MLYCD: variants seen among roughly 807,000 people sequenced by gnomAD.
The protein encoded by MLYCD is malonyl-CoA decarboxylase, mitochondrial.
MLYCD carries 27 observed loss-of-function variants against 35.8 expected under a neutral mutation model. The ratio of observed to expected loss-of-function variants is 0.75; its 90% confidence interval spans 0.56 to 1.04. MLYCD has a LOEUF of 1.04. Among genes scored for constraint, MLYCD ranks in the 50% least tolerant of loss-of-function variants. MLYCD has a pLI of 0.00. For missense variants in MLYCD, 917 were observed against 665.1 expected (o/e 1.38, Z -4.17); for synonymous variants, 403 against 302.4 (o/e 1.33, Z -3.45).
chr16:83,913,874 G>A (rs532333542), intron 4 of MLYCD: 3 of 150,272 alleles, frequency 2.0e-5, no homozygotes, highest in South Asian at 4.2e-4. Context: ...AATGCCCAAC[G>A]AGAGGAACAT....
At chr16:83,908,853 G>C (rs1597291582) in intron 3 of MLYCD, among the ~76,000 whole-genome samples, 1 of 152,328 alleles carries the variant, frequency 6.6e-6, no homozygotes, top group Non-Finnish European at 1.5e-5. Context: ...AAGAACCAGG[G>C]AGCACATTGC....
Position 83,922,531 on chromosome 16 carries a change from A to C in MLYCD, c.*7042A>C, listed in dbSNP as rs893880070. The C allele has an allele frequency of 2.0e-5, 3 of 152,264 alleles. No homozygotes were observed. Among genetic ancestry groups the C allele is most frequent in the African/African-American group, 7.2e-5 (3 of 41,464 alleles). 9.4% of individuals were successfully genotyped at this position (152,264 alleles called of 1,614,324 possible). ...TTGGCTCCGGCCAGTGCCCAGTTCA[A>C]ATGCTGGCCCCACCACTTCCAGCTG... On this transcript the variant is annotated 3_prime_UTR_variant, in exon 5 of 5. Coordinates refer to ENST00000262430, the MANE Select transcript of MLYCD (RefSeq NM_012213.3).
intron 4 of MLYCD, chr16:83,912,662 T>G (rs1229554637): frequency 2.4e-6 from 1 of 425,450 alleles, no homozygotes; most frequent in Non-Finnish European, 4.4e-6. Context: ...TCTGACCTGG[T>G]CAGGACACTC....
intron 1 of MLYCD, among the ~76,000 whole-genome samples, chr16:83,901,901 A>G (rs974171425): frequency 2.6e-5 from 4 of 152,186 alleles, no homozygotes; most frequent in Non-Finnish European, 2.9e-5. Context: ...TTTATCAAAC[A>G]GAATGAATAA....
Position 83,899,597 on chromosome 16 carries a change from G to T in MLYCD, c.453G>T (p.Val151=), listed in dbSNP as rs766316428. ...FHHISKLDGG[V]RFLVQLRADL... is the part of the protein sequence containing the mutation. ...ACATCAGCAAGCTGGACGGCGGCGT[G>T]CGCTTCCTGGTGCAGCTGCGGGCCG... is the stretch of plus-strand genomic sequence containing the variant. Residue 151 remains valine, a synonymous_variant, in exon 1 of 5, where the codon GTG becomes GTT. Coordinates refer to ENST00000262430, the MANE Select transcript of MLYCD (RefSeq NM_012213.3). The T allele has an allele frequency of 2.5e-6, 4 of 1,586,932 alleles. No homozygotes were observed. The Admixed American group carries it at 6.8e-5, about 27-fold the overall frequency.
chr16:83,918,515 C>G lies in MLYCD; in HGVS notation c.*3026C>G, dbSNP rs1333186592. On this transcript the variant is annotated 3_prime_UTR_variant, in exon 5 of 5. Coordinates refer to ENST00000262430, the MANE Select transcript of MLYCD (RefSeq NM_012213.3). ...AGAACACGCACAGTGCACAGGAGAA[C>G]ACAGAGTGCACAGGAGAACACATGG... 1 of 134,378 alleles carries G rather than the reference C, an allele frequency of 7.4e-6. No individual in the cohort carries two copies. Among genetic ancestry groups the G allele is most frequent in the Non-Finnish European group, 1.6e-5 (1 of 63,854 alleles). 8.3% of individuals were successfully genotyped at this position (134,378 alleles called of 1,614,324 possible). A position where few individuals can be genotyped will look rare whatever the true frequency, so the allele number is the denominator to read the frequency against.
chr16:83,904,865 C>T (rs973612940), intron 1 of MLYCD, among the ~76,000 whole-genome samples: 4 of 152,136 alleles, frequency 2.6e-5, no homozygotes, highest in Non-Finnish European at 5.9e-5. Flanking sequence ...AAATTGAGTC[C>T]ACATCTGACT....
rs1286153077 is a variant in MLYCD, at chr16:83,908,249, G to C, written c.765G>C (p.Val255=). The C allele has an allele frequency of 6.2e-7, 1 of 1,614,158 alleles. No homozygotes were observed. Among genetic ancestry groups the C allele is most frequent in the Non-Finnish European group, 8.5e-7 (1 of 1,180,030 alleles). The change falls in exon 3 of 5, where the codon GTG becomes GTC. Residue 255 remains valine (V), a synonymous_variant. Coordinates refer to ENST00000262430, the MANE Select transcript of MLYCD (RefSeq NM_012213.3). ...TPGEPLVVLH[V]ALTGDISSNI... ...GGGAGCCCCTGGTCGTTTTGCACGT[G>C]GCACTGACTGGTGACATCTCCAGCA...
chr16:83,904,990 C>T (rs145826827), intron 1 of MLYCD, among the ~76,000 whole-genome samples: 2 of 152,194 alleles, frequency 1.3e-5, no homozygotes, highest in African/African-American at 4.8e-5. Flanking sequence ...AAAAGGAGAC[C>T]TCATCTCCTT....
chr16:83,908,463 G>T (rs1907060636), intron 3 of MLYCD, among the ~76,000 whole-genome samples, 181 bp downstream of exon 3: 1 of 151,178 alleles, frequency 6.6e-6, no homozygotes, highest in African/African-American at 2.4e-5. Flanking sequence ...GCGTAGAAGT[G>T]TAACAGGCAG....
At chr16:83,911,846 G>A (rs778005307) in intron 3 of MLYCD, 2 of 303,676 alleles carry the variant, frequency 6.6e-6, no homozygotes, top group African/African-American at 2.2e-5. Flanking sequence ...AACTGGAGCT[G>A]TTTGGTCTCA....
rs1467944320 is a variant in MLYCD, at chr16:83,922,449, T to C, written c.*6960T>C. On this transcript the variant is annotated 3_prime_UTR_variant, in exon 5 of 5. Coordinates refer to ENST00000262430, the MANE Select transcript of MLYCD (RefSeq NM_012213.3). ...GGGTGCACCTGCTCTCACCTGTTCA[T>C]GGGCTCCTTTTTCTTCTGAAATGCA... is the stretch of plus-strand genomic sequence containing the variant. The C allele has an allele frequency of 6.6e-6, 1 of 152,302 alleles. No homozygotes were observed. The highest frequency in any genetic ancestry group is 1.5e-5 in the Non-Finnish European group (1 of 68,118). 9.4% of individuals were successfully genotyped at this position (152,302 alleles called of 1,614,324 possible).
intron 1 of MLYCD, among the ~76,000 whole-genome samples, chr16:83,904,162 A>G (rs1339216483): frequency 1.3e-5 from 2 of 152,088 alleles, no homozygotes; most frequent in Admixed American, 1.3e-4. Flanking sequence ...TTAAATTGAT[A>G]GTAAAACTAG....
intron 3 of MLYCD, among the ~76,000 whole-genome samples, chr16:83,911,186 G>C (rs2151058337): frequency 6.6e-6 from 1 of 152,190 alleles, no homozygotes; most frequent in South Asian, 2.1e-4. Flanking sequence ...CACCGTGTTA[G>C]CCAGGGTGGT....
chr16:83,917,531 C>G lies in MLYCD; in HGVS notation c.*2042C>G, dbSNP rs1056643736. 1 of 153,902 alleles carries G rather than the reference C, an allele frequency of 6.5e-6. No individual in the cohort carries two copies. The highest frequency in any genetic ancestry group is 6.5e-5 in the Admixed American group (1 of 15,288). 9.5% of individuals were successfully genotyped at this position (153,902 alleles called of 1,614,324 possible). ...CCTCGCCAGGCCCCTTCTCTGTCTT[C>G]TGCGTACGGCGTGTTGCTTCGTGAC... On this transcript the variant is annotated 3_prime_UTR_variant, in exon 5 of 5. Coordinates refer to ENST00000262430, the MANE Select transcript of MLYCD (RefSeq NM_012213.3).
intron 1 of MLYCD, among the ~76,000 whole-genome samples, chr16:83,899,936 T>C (rs1208835783): frequency 1.3e-5 from 2 of 152,216 alleles, no homozygotes; most frequent in Non-Finnish European, 2.9e-5. Flanking sequence ...CACTTGGTGG[T>C]CTTTAAGGTA....
intron 1 of MLYCD, among the ~76,000 whole-genome samples, chr16:83,906,177 A>G (rs1425339532): frequency 6.6e-6 from 1 of 152,144 alleles, no homozygotes; most frequent in African/African-American, 2.4e-5. Context: ...GCCTGTGCTC[A>G]GGAGCTCGAG....
At chr16:83,902,594 C>T (rs1431937958) in intron 1 of MLYCD, among the ~76,000 whole-genome samples, 1 of 151,488 alleles carries the variant, frequency 6.6e-6, no homozygotes, top group Admixed American at 6.6e-5. Context: ...CAACCTTCGC[C>T]TCCCAGGTTC....
chr16:83,909,306 A>G (rs775563552), intron 3 of MLYCD, among the ~76,000 whole-genome samples: 17 of 152,256 alleles, frequency 1.1e-4, no homozygotes, highest in Admixed American at 2.0e-4. Flanking sequence ...TGACAGTTCA[A>G]AAGGGTGGGG....
Sources: allele counts gnomAD v4.1 joint callset (sites outside exome capture counted in the v4.1 genomes callset), GRCh38; gene constraint gnomAD v4.1.1; transcripts MANE v1.5; gene names NCBI Gene and HGNC (gene_info 2026-07-23, HGNC 2026-07-21).